The following DAPK2 variants were observed in gnomAD, a reference collection of about 807,000 sequenced individuals.
DAPK2 encodes the protein death-associated protein kinase 2.
A neutral mutation model predicts 44.1 loss-of-function variants in DAPK2; 35 were observed. The observed-to-expected ratio is 0.79, with a 90% confidence interval of 0.61 to 1.05. DAPK2 has a LOEUF of 1.05. DAPK2 is among the 50% of genes least tolerant of loss of function. The pLI, the probability that DAPK2 is intolerant of heterozygous loss-of-function variation, is 0.00. For missense variants in DAPK2, 453 were observed against 483.2 expected (o/e 0.94, Z 0.59); for synonymous variants, 174 against 182.6 (o/e 0.95, Z 0.38).
chr15:63,941,563 T>C (rs1231287151), intron 3 of DAPK2, among the ~76,000 whole-genome samples: 1 of 152,234 alleles, frequency 6.6e-6, no homozygotes, highest in African/African-American at 2.4e-5. Flanking sequence ...CTATGGTCTC[T>C]GTGACCTTCC....
intron 3 of DAPK2, among the ~76,000 whole-genome samples, chr15:63,960,457 A>C (rs1438961281): frequency 8.6e-5 from 13 of 151,970 alleles, no homozygotes; most frequent in Non-Finnish European, 2.9e-5. Context: ...TGTCAATTTT[A>C]GATCTTTCCT....
chr15:63,962,476 G>T (rs576937711), intron 3 of DAPK2, among the ~76,000 whole-genome samples: 2 of 152,298 alleles, frequency 1.3e-5, no homozygotes, highest in Admixed American at 6.5e-5. Flanking sequence ...CCCCATCTTT[G>T]TGGTTTTATG....
At chr15:63,969,721 C>T (rs2078156529) in intron 3 of DAPK2, among the ~76,000 whole-genome samples, 1 of 146,954 alleles carries the variant, frequency 6.8e-6, no homozygotes, top group Admixed American at 6.9e-5. Context: ...AGTTGGGTGA[C>T]AGAGCGAGAC....
chr15:63,982,172 G>A (rs1314889836), intron 2 of DAPK2, among the ~76,000 whole-genome samples: 1 of 149,254 alleles, frequency 6.7e-6, no homozygotes, highest in Admixed American at 6.8e-5. Flanking sequence ...ACATGCTTAT[G>A]AGCCTCAGAA....
At position 63,908,701 on chromosome 15, in the gene DAPK2, G is replaced by T; in HGVS notation, c.1033-101C>A. The T allele has an allele frequency of 1.1e-6, 1 of 952,284 alleles. No individual in the cohort carries two copies. Among genetic ancestry groups the T allele is most frequent in the Non-Finnish European group, 1.5e-6 (1 of 667,128 alleles). 59.0% of individuals were successfully genotyped at this position (952,284 alleles called of 1,614,324 possible). A position where few individuals can be genotyped will look rare whatever the true frequency, so the allele number is the denominator to read the frequency against. On this transcript the variant is annotated intron_variant, in intron 10 of 10. Transcript: ENST00000261891. This position sits in a 1 kb window ranked among gnomAD's most constrained non-coding sequence, Gnocchi z 5.7. ...CTGGGTTGATTCACCTGGACCACGGGACTACAAGCCAGGGAGGTGGGTGGT... is the reference window on the plus strand; with the variant it reads ...CTGGGTTGATTCACCTGGACCACGGTACTACAAGCCAGGGAGGTGGGTGGT...
intron 1 of DAPK2, among the ~76,000 whole-genome samples, chr15:64,007,262 G>C (rs1005664678): frequency 6.6e-6 from 1 of 152,006 alleles, no homozygotes; most frequent in Non-Finnish European, 1.5e-5. Context: ...ACCATGCCCA[G>C]CCAACCTTTC....
At chr15:63,994,419 AAGGAAGG>A (rs2078895021) in intron 1 of DAPK2, among the ~76,000 whole-genome samples, 2 of 26,484 alleles carry the variant, frequency 7.6e-5, no homozygotes, top group Non-Finnish European at 2.3e-4. Context: ...AAAAGGAAGG[AAGGAAGG>A]AAGGAAGGAA....
chr15:63,925,696 A>G lies in DAPK2; in HGVS notation c.812+245T>C, dbSNP rs1189943903. ...TTGTAGCGCACACACACACACACAC[A>G]CACACACACACACACACACACACAC... On this transcript the variant is annotated intron_variant, in intron 7 of 10. Coordinates refer to ENST00000261891, the Ensembl canonical transcript of DAPK2. Among the ~76,000 whole-genome samples the G allele has an allele frequency of 1.4e-3, 210 of 151,882 alleles. 3 individuals are homozygous for G. Among genetic ancestry groups the G allele is most frequent in the South Asian group, 3.3e-3 (16 of 4,802 alleles).
At chr15:64,030,201 T>C (rs547992539) in intron 1 of DAPK2, among the ~76,000 whole-genome samples, 1 of 152,072 alleles carries the variant, frequency 6.6e-6, no homozygotes, top group South Asian at 2.1e-4. Flanking sequence ...GGCAGGAGAA[T>C]CGCTTGAACC....
intron 8 of DAPK2, chr15:63,922,373 G>A: frequency 1.9e-6 from 2 of 1,040,966 alleles, no homozygotes; most frequent in South Asian, 3.8e-5. Context: ...CAGTCCATAA[G>A]GTATGTAGGC....
intron 4 of DAPK2, among the ~76,000 whole-genome samples, chr15:63,931,491 G>A (rs940926622): frequency 2.0e-5 from 3 of 152,164 alleles, no homozygotes. Flanking sequence ...TGTCAGTGCT[G>A]GAAAGTGATG....
intron 8 of DAPK2, chr15:63,922,666 C>A: frequency 6.9e-7 from 1 of 1,451,188 alleles, no homozygotes; most frequent in Non-Finnish European, 9.0e-7. Context: ...AGCTGGAGGC[C>A]GCAGCAGGGT....
Position 63,939,470 on chromosome 15 carries a change from C to A in DAPK2, c.454-109G>T, listed in dbSNP as rs1271768200. On this transcript the variant is annotated intron_variant, in intron 3 of 10. Transcript: ENST00000261891. This position sits in a 1 kb window ranked among gnomAD's most constrained non-coding sequence, Gnocchi z 4.3. ...TTTGGCTTTGGGGTTTGGGGTGGGA[C>A]TTGGTGTTCTTTTTAGGAGACTGAA... 1.9e-6 allele frequency: 2 copies of A among 1,055,344 alleles called. No individual in the cohort carries two copies. Among genetic ancestry groups the A allele is most frequent in the East Asian group, 5.2e-5 (2 of 38,646 alleles). The allele number at this position is 1,055,344 out of a possible 1,614,324, so 65.4% of individuals were successfully genotyped here.
intron 1 of DAPK2, among the ~76,000 whole-genome samples, chr15:64,006,927 G>T (rs571526284): frequency 1.5e-3 from 225 of 152,212 alleles, no homozygotes; most frequent in African/African-American, 5.2e-3. Context: ...TAGGGAGCCC[G>T]ACTCCAGGAA....
In DAPK2 at chr15:63,939,445, T is replaced by G. The variant is rs547648855; in HGVS notation, c.454-84A>C. 1.8e-4 allele frequency: 259 copies of G among 1,415,006 alleles called. 1 individual carries two copies. The highest frequency in any genetic ancestry group is 2.2e-4 in the Non-Finnish European group (234 of 1,052,864). 87.7% of individuals were successfully genotyped at this position (1,415,006 alleles called of 1,614,324 possible). A position where few individuals can be genotyped will look rare whatever the true frequency, so the allele number is the denominator to read the frequency against. ...TAATTAAAGGCTGGTTGGTTCGTGT[T>G]TTGGCTTTGGGGTTTGGGGTGGGAC... is the stretch of plus-strand genomic sequence containing the variant. On this transcript the variant is annotated intron_variant, in intron 3 of 10. Coordinates refer to ENST00000261891, the Ensembl canonical transcript of DAPK2. This position sits in a 1 kb window ranked among gnomAD's most constrained non-coding sequence, Gnocchi z 4.3.
At chr15:63,954,999 T>G (rs1052522241) in intron 3 of DAPK2, among the ~76,000 whole-genome samples, 3 of 152,252 alleles carry the variant, frequency 2.0e-5, no homozygotes, top group Non-Finnish European at 4.4e-5. Flanking sequence ...TACATGTTGA[T>G]TTTGTCTCCT....
At chr15:63,938,933 C>T (rs1027818966) in intron 4 of DAPK2, among the ~76,000 whole-genome samples, 1 of 152,200 alleles carries the variant, frequency 6.6e-6, no homozygotes, top group Non-Finnish European at 1.5e-5. Flanking sequence ...AGAATAAACT[C>T]ATCTAAGAGC....
At chr15:64,043,054 C>T (rs2080385116), upstream of DAPK2, among the ~76,000 whole-genome samples, 1 of 152,182 alleles carries the variant, frequency 6.6e-6, no homozygotes, top group Non-Finnish European at 1.5e-5. Flanking sequence ...GGGTTTAAAT[C>T]CCAGCTCTGT....
chr15:64,000,659 T>C (rs1046143099), intron 1 of DAPK2, among the ~76,000 whole-genome samples: 1 of 151,970 alleles, frequency 6.6e-6, no homozygotes, highest in South Asian at 2.1e-4. Context: ...GAAGGCATGA[T>C]GCTGGGGGTG....
Sources: gnomAD v4.1 joint callset for allele counts (sites outside exome capture counted in the v4.1 genomes callset) on GRCh38, gnomAD v4.1.1 for gene constraint, Gnocchi (gnomAD v3.1) non-coding constraint, MANE v1.5 for transcripts, NCBI Gene and HGNC (gene_info 2026-07-23, HGNC 2026-07-21) for gene names.